Variants in RAB3GAP2 observed in about 807,000 individuals in gnomAD.
RAB3GAP2 encodes RAB3 GTPase activating non-catalytic protein subunit 2.
RAB3GAP2 carries 87 observed loss-of-function variants against 185.3 expected under a neutral mutation model. The ratio of observed to expected loss-of-function variants is 0.47; its 90% CI spans 0.39 to 0.56. The LOEUF is 0.56. RAB3GAP2 is among the 20% of genes least tolerant of loss of function. RAB3GAP2 has a pLI of 0.00. For missense variants in RAB3GAP2, 1,492 were observed against 1,638.2 expected (o/e 0.91, Z 1.54); for synonymous variants, 554 against 576.1 (o/e 0.96, Z 0.55).
At chr1:220,188,005 T>C (rs78145303) in intron 17 of RAB3GAP2, among the ~76,000 whole-genome samples, 1 of 151,702 alleles carries the variant, frequency 6.6e-6, no homozygotes, top group Non-Finnish European at 1.5e-5. Context: ...GATGATCTCA[T>C]GCTATCTCCA....
At chr1:220,157,693 G>A (rs1657884087) in intron 30 of RAB3GAP2, 109 bp downstream of exon 30, 3 of 1,127,886 alleles carry the variant, frequency 2.7e-6, no homozygotes, top group African/African-American at 3.1e-5. Flanking sequence ...ATTTAGAAAT[G>A]AATGAATGAA....
intron 4 of RAB3GAP2, 150 bp from the exon 5 acceptor site, chr1:220,211,152 CA>C: frequency 4.0e-6 from 3 of 754,216 alleles, no homozygotes; most frequent in Non-Finnish European, 6.9e-6. Context: ...AGTAAAACTC[CA>C]CCACTGGTAA....
intron 1 of RAB3GAP2, among the ~76,000 whole-genome samples, chr1:220,251,621 A>T (rs1659931288): frequency 6.6e-6 from 1 of 152,252 alleles, no homozygotes; most frequent in Admixed American, 6.5e-5. Context: ...AAAGACACTG[A>T]TCATATTATG....
chr1:220,241,432 G>T (rs961498622), intron 1 of RAB3GAP2, among the ~76,000 whole-genome samples: 1 of 151,878 alleles, frequency 6.6e-6, no homozygotes, highest in African/African-American at 2.4e-5. Context: ...ATTCATTTCC[G>T]TTCTTCTGAG....
At chr1:220,209,552 C>T (rs966976640) in intron 7 of RAB3GAP2, among the ~76,000 whole-genome samples, 20 of 152,044 alleles carry the variant, frequency 1.3e-4, no homozygotes, top group Non-Finnish European at 2.8e-4. Context: ...AATAAATTAC[C>T]AATAAATTAG....
intron 2 of RAB3GAP2, among the ~76,000 whole-genome samples, chr1:220,219,145 T>G (rs1659255163): frequency 6.6e-6 from 1 of 152,206 alleles, no homozygotes; most frequent in African/African-American, 2.4e-5. Flanking sequence ...ATCAAATTTC[T>G]TTTAATAAAT....
At chr1:220,153,920 G>GT (rs557396940) in intron 32 of RAB3GAP2, 48 bp downstream of exon 32, 1,196 of 1,571,720 alleles carry the variant, frequency 7.6e-4, no homozygotes, top group African/African-American at 2.6e-3. Flanking sequence ...TTTCCCTTAT[G>GT]TTTTTTTTTC....
chr1:220,218,654 G>C (rs1659245270), intron 2 of RAB3GAP2, among the ~76,000 whole-genome samples: 1 of 151,876 alleles, frequency 6.6e-6, no homozygotes, highest in African/African-American at 2.4e-5. Context: ...CGAGTTAATG[G>C]GTGCAGCACA....
At chr1:220,206,816 C>T (rs1298294551) in intron 7 of RAB3GAP2, among the ~76,000 whole-genome samples, 1 of 152,194 alleles carries the variant, frequency 6.6e-6, no homozygotes, top group Non-Finnish European at 1.5e-5. Context: ...TTGTTCCTGT[C>T]ATTCAGGTTT....
chr1:220,150,166 C>T lies in RAB3GAP2; in HGVS notation c.*1085G>A, dbSNP rs924891235. The T allele has an allele frequency of 6.7e-6, 1 of 149,560 alleles. No homozygotes were observed. Among genetic ancestry groups the T allele is most frequent in the Non-Finnish European group, 1.5e-5 (1 of 67,762 alleles). 9.3% of individuals were successfully genotyped at this position (149,560 alleles called of 1,614,324 possible). On this transcript the variant is annotated 3_prime_UTR_variant, in exon 35 of 35. Coordinates refer to ENST00000358951, the MANE Select transcript of RAB3GAP2 (RefSeq NM_012414.4). ...TATTGCCCAGAATGGCCTCAAACTC[C>T]TGGGCTCAAGCGATCCTCCTCCAGC...
chr1:220,191,895 C>T (rs1160160605), intron 13 of RAB3GAP2, among the ~76,000 whole-genome samples: 2 of 152,040 alleles, frequency 1.3e-5, no homozygotes, highest in Admixed American at 1.3e-4. Flanking sequence ...CCCTTCCCTT[C>T]CCACACAAGC....
chr1:220,264,590 G>A (rs185040648), intron 1 of RAB3GAP2, among the ~76,000 whole-genome samples: 100 of 152,030 alleles, frequency 6.6e-4, no homozygotes, highest in African/African-American at 2.3e-3. Context: ...TCAATCTAAA[G>A]ACCCTGCTAC....
intron 27 of RAB3GAP2, among the ~76,000 whole-genome samples, chr1:220,164,428 T>A (rs913550270): frequency 5.9e-5 from 9 of 151,398 alleles, no homozygotes; most frequent in Admixed American, 5.9e-4. Context: ...TTCCAAGTAG[T>A]TAAAATGGCC....
At chr1:220,238,132 C>T (rs1416778033) in intron 1 of RAB3GAP2, among the ~76,000 whole-genome samples, 1 of 152,158 alleles carries the variant, frequency 6.6e-6, no homozygotes, top group Non-Finnish European at 1.5e-5. Flanking sequence ...CCTCGATCTC[C>T]TAGGCTCAAG....
At chr1:220,231,660 G>A (rs909229179) in intron 2 of RAB3GAP2, among the ~76,000 whole-genome samples, 5 of 152,132 alleles carry the variant, frequency 3.3e-5, no homozygotes, top group African/African-American at 1.2e-4. Flanking sequence ...CATATCCCTT[G>A]CCAGTGATTA....
At chr1:220,153,444 A>C in intron 32 of RAB3GAP2, 38 bp from the exon 33 acceptor site, 1 of 1,560,356 alleles carries the variant, frequency 6.4e-7, no homozygotes, top group Non-Finnish European at 8.8e-7. Context: ...ATGCATTGTT[A>C]CTGTTTCATT....
chr1:220,213,475 T>C (rs1571904178), intron 3 of RAB3GAP2, among the ~76,000 whole-genome samples: 1 of 151,928 alleles, frequency 6.6e-6, no homozygotes, highest in East Asian at 1.9e-4. Context: ...CAAACAGAAA[T>C]CCATAATATT....
Position 220,170,926 on chromosome 1 carries a change from C to T in RAB3GAP2, c.2772G>A (p.Arg924=), listed in dbSNP as rs558969714. Residue 924 remains arginine, a synonymous_variant, in exon 24 of 35, where the codon AGG becomes AGA. Coordinates refer to ENST00000358951, the MANE Select transcript of RAB3GAP2 (RefSeq NM_012414.4). ...CTTCTAATAACTTTTTAACAGAAAG[C>T]CTTGGAAGTGGCTCAGCCTGCAGTG... ...VSSLQAEPLP[R]LSVKKLLEGG... 6.8e-6 allele frequency: 11 copies of T among 1,614,086 alleles called. No homozygotes were observed. Among genetic ancestry groups the T allele is most frequent in the South Asian group, 1.1e-5 (1 of 91,080 alleles).
Position 220,172,758 on chromosome 1 carries a change from A to C in RAB3GAP2, c.2311-16T>G, listed in dbSNP as rs1184360377. ...GGAGCAGAGACTGAAATCAAATTTAAATCTTTTTCAGTCTAAAAAAAAATT... is the reference window on the plus strand; with the variant it reads ...GGAGCAGAGACTGAAATCAAATTTACATCTTTTTCAGTCTAAAAAAAAATT... On this transcript the variant is annotated splice_polypyrimidine_tract_variant and intron_variant, in intron 21 of 34. Coordinates refer to ENST00000358951, the MANE Select transcript of RAB3GAP2 (RefSeq NM_012414.4). 1.9e-6 allele frequency: 3 copies of C among 1,572,606 alleles called. No homozygotes were observed. Among genetic ancestry groups the C allele is most frequent in the Non-Finnish European group, 2.6e-6 (3 of 1,142,384 alleles).
Sources: gnomAD v4.1 joint callset for allele counts (sites outside exome capture counted in the v4.1 genomes callset) on GRCh38, gnomAD v4.1.1 for gene constraint, MANE v1.5 for transcripts, NCBI Gene and HGNC (gene_info 2026-07-23, HGNC 2026-07-21) for gene names.